SKI: variants seen among roughly 807,000 people sequenced by gnomAD.
SKI encodes ski oncogene.
In SKI, 23 loss-of-function variants were observed where a neutral mutation model predicts 59.3. The observed-to-expected ratio is 0.39, with a 90% CI of 0.28 to 0.55. The LOEUF (loss-of-function observed/expected upper bound fraction) is 0.55, where lower values mean the gene tolerates loss of function less well. Ranked by LOEUF, SKI falls within the 20% of genes least tolerant of loss-of-function variation. SKI has a pLI of 0.67. For missense variants in SKI, 1,017 were observed against 1,038.9 expected (o/e 0.98, Z 0.29); for synonymous variants, 673 against 488.6 (o/e 1.38, Z -4.98).
At chr1:2,305,520 T>G (rs941612157) in intron 5 of SKI, among the ~76,000 whole-genome samples, 2 of 152,214 alleles carry the variant, frequency 1.3e-5, no homozygotes, top group East Asian at 3.9e-4. Context: ...CCCACATACA[T>G]ATTCATGTGG....
chr1:2,271,985 TCTC>T (rs1223566893), intron 1 of SKI, among the ~76,000 whole-genome samples: 2 of 152,078 alleles, frequency 1.3e-5, no homozygotes, highest in East Asian at 3.9e-4. Context: ...TCGCAGCTGT[TCTC>T]CTCTGGGAGG....
At chr1:2,230,540 C>T (rs868056391) in intron 1 of SKI, among the ~76,000 whole-genome samples, 7 of 152,216 alleles carry the variant, frequency 4.6e-5, no homozygotes, top group Admixed American at 6.5e-5. Flanking sequence ...TTCCTTCTCT[C>T]CCTCTGAAAC....
chr1:2,244,538 C>T (rs149235144), intron 1 of SKI, among the ~76,000 whole-genome samples: 38 of 152,242 alleles, frequency 2.5e-4, no homozygotes, highest in African/African-American at 8.2e-4. Context: ...TGAGATGGCG[C>T]CATTGTACTA....
At chr1:2,292,738 T>C (rs969194637) in intron 1 of SKI, among the ~76,000 whole-genome samples, 3 of 152,166 alleles carry the variant, frequency 2.0e-5, no homozygotes, top group African/African-American at 7.2e-5. Flanking sequence ...GTGCCCCTGC[T>C]GGGGAGGACG....
intron 1 of SKI, among the ~76,000 whole-genome samples, chr1:2,287,207 C>T (rs55661542): frequency 0.027 from 4,177 of 152,054 alleles, 174 homozygotes; most frequent in African/African-American, 0.094. Context: ...GGCTCCAGGG[C>T]GCCTGGAGAC....
intron 1 of SKI, among the ~76,000 whole-genome samples, chr1:2,299,289 T>C (rs1232344233): frequency 6.6e-6 from 1 of 152,068 alleles, no homozygotes; most frequent in African/African-American, 2.4e-5. Flanking sequence ...GGCAGCAGCT[T>C]GTGCCCATGT....
At chr1:2,254,458 G>A (rs979675747) in intron 1 of SKI, among the ~76,000 whole-genome samples, 2 of 152,218 alleles carry the variant, frequency 1.3e-5, no homozygotes, top group African/African-American at 4.8e-5. Context: ...GTCCCTTCCC[G>A]AAGGCTTGAG....
At chr1:2,298,824 G>A (rs1037874579) in intron 1 of SKI, among the ~76,000 whole-genome samples, 9 of 152,216 alleles carry the variant, frequency 5.9e-5, no homozygotes, top group Non-Finnish European at 1.2e-4. Context: ...GTGGGCGGGC[G>A]CGTGTGCCAG....
At chr1:2,290,065 C>T (rs982780241) in intron 1 of SKI, among the ~76,000 whole-genome samples, 2 of 152,092 alleles carry the variant, frequency 1.3e-5, no homozygotes, top group African/African-American at 4.8e-5. Flanking sequence ...TGTGTGGCGC[C>T]GGGGGTCCCT....
At chr1:2,263,071 T>G (rs796192954) in intron 1 of SKI, among the ~76,000 whole-genome samples, 3 of 152,092 alleles carry the variant, frequency 2.0e-5, no homozygotes, top group African/African-American at 7.2e-5. Context: ...AGCTAATTTT[T>G]TGTATTTTCA....
At chr1:2,277,385 A>G (rs1639765079) in intron 1 of SKI, among the ~76,000 whole-genome samples, 1 of 152,200 alleles carries the variant, frequency 6.6e-6, no homozygotes, top group Non-Finnish European at 1.5e-5. Flanking sequence ...CAATTGAATC[A>G]TCGGGCTGGT....
At chr1:2,240,613 C>T in intron 1 of SKI, 1 of 985,462 alleles carries the variant, frequency 1.0e-6, no homozygotes, top group Non-Finnish European at 1.2e-6. Flanking sequence ...GCAGAGTTCT[C>T]TTTAGCCCGA....
chr1:2,236,111 G>GT (rs1638745389), intron 1 of SKI, among the ~76,000 whole-genome samples: 1 of 152,202 alleles, frequency 6.6e-6, no homozygotes, highest in African/African-American at 2.4e-5. Flanking sequence ...CTGAATCGGG[G>GT]CGTTTAGGCC....
At chr1:2,230,358 G>A (rs1638606867) in intron 1 of SKI, among the ~76,000 whole-genome samples, 2 of 152,146 alleles carry the variant, frequency 1.3e-5, no homozygotes, top group Admixed American at 6.5e-5. Flanking sequence ...GAGACTTGGC[G>A]GCTCCAGCAC....
At chr1:2,280,650 GACACCCGAGAAGAC>G (rs1639858331) in intron 1 of SKI, among the ~76,000 whole-genome samples, 1 of 132,100 alleles carries the variant, frequency 7.6e-6, no homozygotes, top group Non-Finnish European at 1.6e-5. Context: ...TCAGAGAGAG[GACACCCGAGAAGAC>G]AGGCGGCGGC....
At position 2,275,412 on chromosome 1, in the gene SKI, T is replaced by C. The variant is rs373725243; in HGVS notation, c.970-27566T>C. ...GCTTTTTAGGTGCTCTGAGGCGATCTGGGTGTGGCCTGGCCGGTGTGGGCA... is the reference window on the plus strand; with the variant it reads ...GCTTTTTAGGTGCTCTGAGGCGATCCGGGTGTGGCCTGGCCGGTGTGGGCA... On this transcript the variant is annotated intron_variant, in intron 1 of 6. Coordinates refer to ENST00000378536, the MANE Select transcript of SKI (RefSeq NM_003036.4). Among the ~76,000 whole-genome samples, 676 of 152,336 alleles carry C rather than the reference T, an allele frequency of 4.4e-3. 4 individuals carry two copies. Among genetic ancestry groups the C allele is most frequent in the African/African-American group, 0.015 (641 of 41,582 alleles).
rs909704582 is a variant in SKI, at chr1:2,230,187, C to T, written c.969+452C>T. On this transcript the variant is annotated intron_variant, in intron 1 of 6. Transcript: ENST00000378536. ...TCCTCGCCCCGAAGGCACCCAGCCT[C>T]GAAGACGGAGGGCTGCCTGCCTTTG... is the stretch of plus-strand genomic sequence containing the variant. Among the ~76,000 whole-genome samples the T allele has an allele frequency of 1.2e-4, 18 of 152,332 alleles. 1 individual carries two copies. Among genetic ancestry groups the T allele is most frequent in the Admixed American group, 9.8e-4 (15 of 15,304 alleles).
At chr1:2,285,652 C>T (rs1379102569) in intron 1 of SKI, among the ~76,000 whole-genome samples, 3 of 151,368 alleles carry the variant, frequency 2.0e-5, no homozygotes, top group Non-Finnish European at 2.9e-5. Context: ...ACAACCTCCG[C>T]CTCCCGGGTT....
At chr1:2,304,835 C>T (rs1640526611) in intron 5 of SKI, among the ~76,000 whole-genome samples, 1 of 152,248 alleles carries the variant, frequency 6.6e-6, no homozygotes, top group African/African-American at 2.4e-5. Context: ...TTTGGCTTGA[C>T]CACAGCTTTC....
Sources: allele counts gnomAD v4.1 joint callset (sites outside exome capture counted in the v4.1 genomes callset), GRCh38; gene constraint gnomAD v4.1.1; transcripts MANE v1.5; gene names NCBI Gene and HGNC (gene_info 2026-07-23, HGNC 2026-07-21).